SNX33: variants seen among roughly 807,000 people sequenced by gnomAD.
The protein encoded by SNX33 is sorting nexin-33.
SNX33 carries 19 observed loss-of-function variants against 38.8 expected under a neutral mutation model. That is an observed-to-expected ratio of 0.49 (90% CI 0.34 to 0.72). The LOEUF (loss-of-function observed/expected upper bound fraction) is 0.72. Ranked by LOEUF, SNX33 falls within the 30% of genes least tolerant of loss-of-function variation. The probability of loss-of-function intolerance (pLI) is 0.01; values close to 1 mark genes in which losing one functional copy is unlikely to be tolerated. For synonymous variants in SNX33, 246 were observed against 289.7 expected, an observed-to-expected ratio of 0.85 and a Z score of 1.53; for missense variants, 641 against 776.4, an observed-to-expected ratio of 0.83 and a Z score of 2.07.
In SNX33 at chr15:75,650,491, T is replaced by C; in HGVS notation, c.1389T>C (p.Asn463=). The C allele has an allele frequency of 6.2e-7, 1 of 1,614,114 alleles. No homozygotes were observed. Among genetic ancestry groups the C allele is most frequent in the Non-Finnish European group, 8.5e-7 (1 of 1,180,014 alleles). Reference sequence around the variant, plus strand: ...AGATGTTTGCTGAGCAGCCCAAGAATGACCTCTTCCAGATGCTGGACACAC... The same window carrying C: ...AGATGTTTGCTGAGCAGCCCAAGAACGACCTCTTCCAGATGCTGGACACAC... ...IGEMFAEQPK[N]DLFQMLDTLS... Residue 463 remains asparagine (N), a synonymous_variant, in exon 1 of 2, where the codon AAT becomes AAC. Coordinates refer to ENST00000308527, the MANE Select transcript of SNX33 (RefSeq NM_153271.2). The surrounding 1 kb of genome is among the most constrained non-coding windows in gnomAD (Gnocchi z 6.1).
Position 75,650,005 on chromosome 15 carries a change from C to T in SNX33, c.903C>T (p.Asp301=). Reference sequence around the variant, plus strand: ...AGGCCACTGGCCGCTTCGAGGAGGACTTCATCGAAAAGCGGAAGCGGAGAC... The same window carrying T: ...AGGCCACTGGCCGCTTCGAGGAGGATTTCATCGAAAAGCGGAAGCGGAGAC... The part of the protein sequence containing the change: ...EKQATGRFEE[D]FIEKRKRRLI... The change falls in exon 1 of 2, where the codon GAC becomes GAT. Residue 301 remains aspartate (D), a synonymous_variant. Transcript: ENST00000308527. This position sits in a 1 kb window ranked among gnomAD's most constrained non-coding sequence, Gnocchi z 6.1. 6.2e-7 allele frequency: 1 copy of T among 1,601,550 alleles called. No individual in the cohort carries two copies. The highest frequency in any genetic ancestry group is 8.5e-7 in the Non-Finnish European group (1 of 1,174,480).
Position 75,648,881 on chromosome 15 carries a change from T to A in SNX33, c.-222T>A, listed in dbSNP as rs1329724693. ...TGAGCCCTCCCTGCTCACAAGCATA[T>A]GCCCGGAGACCTGATAGGGCAGTTT... On this transcript the variant is annotated 5_prime_UTR_variant, in exon 1 of 2. The change abolishes an upstream ATG in the 5' untranslated region. Transcript: ENST00000308527. The surrounding 1 kb of genome is among the most constrained non-coding windows in gnomAD (Gnocchi z 4.4). The A allele has an allele frequency of 4.2e-6, 2 of 476,968 alleles. No individual in the cohort carries two copies. Among genetic ancestry groups the A allele is most frequent in the Admixed American group, 8.2e-5 (2 of 24,276 alleles). The allele number at this position is 476,968 out of a possible 1,614,324, so 29.5% of individuals were successfully genotyped here.
In SNX33 at chr15:75,657,270, C is replaced by T; in HGVS notation, c.*55C>T. The stretch of plus-strand genomic sequence containing the variant: ...TGGGCCTGGTCACTGCAGTGTACCC[C>T]ACTTTCCCGACCTCCCTATACCAGC... On this transcript the variant is annotated 3_prime_UTR_variant, in exon 2 of 2. Coordinates refer to ENST00000308527, the MANE Select transcript of SNX33 (RefSeq NM_153271.2). The surrounding 1 kb of genome is among the most constrained non-coding windows in gnomAD (Gnocchi z 5.5). The T allele has an allele frequency of 6.2e-7, 1 of 1,602,418 alleles. No individual in the cohort carries two copies. The highest frequency in any genetic ancestry group is 8.5e-7 in the Non-Finnish European group (1 of 1,173,236).
rs1893559747 is a variant in SNX33, at chr15:75,650,219, G to A, written c.1117G>A (p.Asp373Asn). The change falls in exon 1 of 2, where the codon GAC becomes AAC. Residue 373 changes from aspartate to asparagine, a missense_variant. Asp to Asn is a conservative substitution (Grantham distance 23). This residue lies in a region of SNX33 where 398 missense variants were observed against 542.5 expected (regional missense o/e 0.73). Transcript: ENST00000308527. This position sits in a 1 kb window ranked among gnomAD's most constrained non-coding sequence, Gnocchi z 6.1. ...QIPTEHQDLQ[D>N]VEDRVDTFKA... ...CCCCACCGAGCACCAGGACTTGCAG[G>A]ACGTGGAAGATCGCGTGGACACTTT... The A allele has an allele frequency of 1.3e-6, 2 of 1,592,626 alleles. No individual in the cohort carries two copies. Among genetic ancestry groups the A allele is most frequent in the South Asian group, 2.3e-5 (2 of 87,784 alleles).
In SNX33 at chr15:75,648,447, CGTTGTGAAG is replaced by C; in HGVS notation, c.-655_-647del. The C allele has an allele frequency of 1.0e-6, 1 of 985,354 alleles. No individual in the cohort carries two copies. The allele number at this position is 985,354 out of a possible 1,614,324, so 61.0% of individuals were successfully genotyped here. On this transcript the variant is annotated 5_prime_UTR_variant, in exon 1 of 2. Coordinates refer to ENST00000308527, the MANE Select transcript of SNX33 (RefSeq NM_153271.2). The surrounding 1 kb of genome is among the most constrained non-coding windows in gnomAD (Gnocchi z 4.4). ...CAGTCCTTGTTTTCCCGGCCTGGCT[CGTTGTGAAG>C]CCGGACACATCCACCCTTGGACTCG...
rs1263982070 is a variant in SNX33 at position 75,661,711 on chromosome 15, A to T, written c.*4496A>T. The T allele has an allele frequency of 6.6e-6, 1 of 152,128 alleles. No homozygotes were observed. Among genetic ancestry groups the T allele is most frequent in the Non-Finnish European group, 1.5e-5 (1 of 68,026 alleles). 9.4% of individuals were successfully genotyped at this position (152,128 alleles called of 1,614,324 possible). A position where few individuals can be genotyped will look rare whatever the true frequency, so the allele number is the denominator to read the frequency against. ...GAGACTTGGCCAGAGGGAAGATGGG[A>T]CCTGCCTAGGTTCACACAGGGAATC... On this transcript the variant is annotated 3_prime_UTR_variant, in exon 2 of 2. Transcript: ENST00000308527. The surrounding 1 kb of genome is among the most constrained non-coding windows in gnomAD (Gnocchi z 4.5).
chr15:75,654,750 G>T (rs1292044690), intron 1 of SNX33, among the ~76,000 whole-genome samples: 1 of 152,214 alleles, frequency 6.6e-6, no homozygotes, highest in African/African-American at 2.4e-5. Context: ...AGGGGTAACG[G>T]AGAACAGGGT....
rs1027632828 is a variant in SNX33 at position 75,658,572 on chromosome 15, C to G, written c.*1357C>G. 2 of 152,672 alleles carry G rather than the reference C, an allele frequency of 1.3e-5. No homozygotes were observed. The highest frequency in any genetic ancestry group is 2.9e-5 in the Non-Finnish European group (2 of 68,058). The allele number at this position is 152,672 out of a possible 1,614,324, so 9.5% of individuals were successfully genotyped here. A position where few individuals can be genotyped will look rare whatever the true frequency, so the allele number is the denominator to read the frequency against. On this transcript the variant is annotated 3_prime_UTR_variant, in exon 2 of 2. Transcript: ENST00000308527. This position sits in a 1 kb window ranked among gnomAD's most constrained non-coding sequence, Gnocchi z 4.1. ...CCCTTGCCCCCGGGGGGGTCATGGT[C>G]TCCTCCTGGATGCTGCTCCTTGAAT...
At chr15:75,651,387 T>C (rs940331793) in intron 1 of SNX33, among the ~76,000 whole-genome samples, 2 of 152,210 alleles carry the variant, frequency 1.3e-5, no homozygotes, top group African/African-American at 2.4e-5. Context: ...CAAGGACACG[T>C]CCATGTTGGC....
chr15:75,649,641 G>C lies in SNX33; in HGVS notation c.539G>C (p.Gly180Ala). The change falls in exon 1 of 2, where the codon GGC becomes GCC. Residue 180 changes from glycine to alanine, a missense_variant. Gly to Ala is a moderately conservative substitution (Grantham distance 60). Transcript: ENST00000308527. The surrounding 1 kb of genome is among the most constrained non-coding windows in gnomAD (Gnocchi z 6.6). ...TCTGCCAAGCGAGGCAGTGTGGTGG[G>C]CCGTAACCTCAACCGTTTCTCATGC... ...LASAKRGSVV[G>A]RNLNRFSCFV... 1 of 1,608,068 alleles carries C rather than the reference G, an allele frequency of 6.2e-7. No individual in the cohort carries two copies. Among genetic ancestry groups the C allele is most frequent in the Non-Finnish European group, 8.5e-7 (1 of 1,176,816 alleles).
chr15:75,648,566 A>C lies in SNX33; in HGVS notation c.-537A>C. 1 of 983,872 alleles carries C rather than the reference A, an allele frequency of 1.0e-6. No homozygotes were observed. Among genetic ancestry groups the C allele is most frequent in the South Asian group, 4.7e-5 (1 of 21,264 alleles). 60.9% of individuals were successfully genotyped at this position (983,872 alleles called of 1,614,324 possible). On this transcript the variant is annotated 5_prime_UTR_variant, in exon 1 of 2. Transcript: ENST00000308527. This position sits in a 1 kb window ranked among gnomAD's most constrained non-coding sequence, Gnocchi z 4.4. The stretch of plus-strand genomic sequence containing the variant: ...CCAGTGGCCCAGGAGCAAGAGGAGG[A>C]AGGAGGAAGGGGCAGATCTGCAGAG...
At position 75,650,630 on chromosome 15, in the gene SNX33, G is replaced by C; in HGVS notation, c.1471+57G>C. On this transcript the variant is annotated intron_variant, in intron 1 of 1. Transcript: ENST00000308527. This position sits in a 1 kb window ranked among gnomAD's most constrained non-coding sequence, Gnocchi z 6.1. ...TGAGTCTGGCTCTCTGCTGGGCCCT[G>C]GGGAGATGGGGATGGCCTGGATAGA... The C allele has an allele frequency of 6.6e-7, 1 of 1,515,006 alleles. No homozygotes were observed. Among genetic ancestry groups the C allele is most frequent in the Non-Finnish European group, 8.8e-7 (1 of 1,131,012 alleles). The allele number at this position is 1,515,006 out of a possible 1,614,324, so 93.8% of individuals were successfully genotyped here.
At position 75,650,128 on chromosome 15, in the gene SNX33, G is replaced by A; in HGVS notation, c.1026G>A (p.Lys342=). 2 of 1,614,102 alleles carry A rather than the reference G, an allele frequency of 1.2e-6. No individual in the cohort carries two copies. The highest frequency in any genetic ancestry group is 1.7e-6 in the Non-Finnish European group (2 of 1,179,986). Residue 342 remains lysine (K), a synonymous_variant, in exon 1 of 2, where the codon AAG becomes AAA. Transcript: ENST00000308527. The surrounding 1 kb of genome is among the most constrained non-coding windows in gnomAD (Gnocchi z 6.1). The stretch of plus-strand genomic sequence containing the variant: ...GCTGCCTGGATGACAAGCAGTGGAA[G>A]ATGGGCAAACGCCGGGCGGAGAAGG... ...FLSCLDDKQW[K]MGKRRAEKDE...
intron 1 of SNX33, among the ~76,000 whole-genome samples, chr15:75,654,752 G>A (rs747746376): frequency 1.3e-5 from 2 of 152,202 alleles, no homozygotes; most frequent in African/African-American, 4.8e-5. Context: ...GGGTAACGGA[G>A]AACAGGGTGG....
At position 75,649,779 on chromosome 15, in the gene SNX33, A is replaced by G. The variant is rs1243916215; in HGVS notation, c.677A>G (p.Asn226Ser). 9.9e-6 allele frequency: 15 copies of G among 1,521,072 alleles called. No individual in the cohort carries two copies. Among genetic ancestry groups the G allele is most frequent in the South Asian group, 1.3e-5 (1 of 76,100 alleles). The allele number at this position is 1,521,072 out of a possible 1,614,324, so 94.2% of individuals were successfully genotyped here. ...MGPRGPQWKA[N>S]PHPFACSVED... ...CCTCGTGGCCCCCAGTGGAAGGCCA[A>G]TCCCCACCCATTTGCCTGCTCTGTG... is the stretch of plus-strand genomic sequence containing the variant. The change falls in exon 1 of 2, where the codon AAT becomes AGT. Residue 226 changes from asparagine to serine, a missense_variant. This residue lies in a region of SNX33 where 398 missense variants were observed against 542.5 expected (regional missense o/e 0.73). Coordinates refer to ENST00000308527, the MANE Select transcript of SNX33 (RefSeq NM_153271.2). The surrounding 1 kb of genome is among the most constrained non-coding windows in gnomAD (Gnocchi z 6.6).
intron 1 of SNX33, among the ~76,000 whole-genome samples, chr15:75,652,426 G>A (rs1185143334): frequency 6.6e-6 from 1 of 152,200 alleles, no homozygotes; most frequent in Non-Finnish European, 1.5e-5. Flanking sequence ...GGAATGCAAT[G>A]ATTAAACAGA....
Position 75,657,345 on chromosome 15 carries a change from C to A in SNX33, c.*130C>A. On this transcript the variant is annotated 3_prime_UTR_variant, in exon 2 of 2. Transcript: ENST00000308527. This position sits in a 1 kb window ranked among gnomAD's most constrained non-coding sequence, Gnocchi z 5.5. ...TGGGGGAGATAAGCGGCCTGTCCTGCCTCCTGGGAGAAGGAGCTTTCAAGG... is the reference window on the plus strand; with the variant it reads ...TGGGGGAGATAAGCGGCCTGTCCTGACTCCTGGGAGAAGGAGCTTTCAAGG... 1.4e-6 allele frequency: 2 copies of A among 1,457,904 alleles called. No individual in the cohort carries two copies. Among genetic ancestry groups the A allele is most frequent in the Non-Finnish European group, 1.9e-6 (2 of 1,079,438 alleles). 90.3% of individuals were successfully genotyped at this position (1,457,904 alleles called of 1,614,324 possible). A position where few individuals can be genotyped will look rare whatever the true frequency, so the allele number is the denominator to read the frequency against.
chr15:75,650,857 C>T lies in SNX33; in HGVS notation c.1471+284C>T, dbSNP rs1484087829. Among the ~76,000 whole-genome samples, 1 of 151,676 alleles carries T rather than the reference C, an allele frequency of 6.6e-6. No homozygotes were observed. The highest frequency in any genetic ancestry group is 1.5e-5 in the Non-Finnish European group (1 of 68,012). On this transcript the variant is annotated intron_variant, in intron 1 of 1. Coordinates refer to ENST00000308527, the MANE Select transcript of SNX33 (RefSeq NM_153271.2). The surrounding 1 kb of genome is among the most constrained non-coding windows in gnomAD (Gnocchi z 6.1). ...TGGGTGACAGAGTGAGACCCTGTCTCTAAAACAAACAAACAAACAAACAAA... is the reference window on the plus strand; with the variant it reads ...TGGGTGACAGAGTGAGACCCTGTCTTTAAAACAAACAAACAAACAAACAAA...
intron 1 of SNX33, among the ~76,000 whole-genome samples, chr15:75,651,031 C>T (rs970655964): frequency 2.0e-5 from 3 of 152,306 alleles, no homozygotes; most frequent in African/African-American, 4.8e-5. Context: ...GTTTGCATCT[C>T]GTTTACCCAT....
Sources: gnomAD v4.1 joint callset for allele counts (sites outside exome capture counted in the v4.1 genomes callset) on GRCh38, gnomAD v4.1.1 for gene constraint, gnomAD v4.1.1 regional missense constraint, Gnocchi (gnomAD v3.1) non-coding constraint, MANE v1.5 for transcripts, NCBI Gene and HGNC (gene_info 2026-07-23, HGNC 2026-07-21) for gene names.